The following MUSK variants were observed in gnomAD, a reference collection of about 807,000 sequenced individuals.
The protein encoded by MUSK is muscle, skeletal receptor tyrosine-protein kinase.
A neutral mutation model predicts 88.7 loss-of-function variants in MUSK; 55 were observed. The observed-to-expected ratio is 0.62, with a 90% CI of 0.50 to 0.78. The LOEUF (loss-of-function observed/expected upper bound fraction) is 0.78, where lower values mean the gene tolerates loss of function less well. Among genes scored for constraint, MUSK ranks in the 30% least tolerant of loss-of-function variants. The pLI, the probability that MUSK is intolerant of heterozygous loss-of-function variation, is 0.00. For missense variants in MUSK, 1,015 were observed against 1,074.3 expected (o/e 0.94, Z 0.77); for synonymous variants, 387 against 391.9 (o/e 0.99, Z 0.15).
chr9:110,797,145 ATAAAT>A (rs2078016169), intron 14 of MUSK, among the ~76,000 whole-genome samples: 1 of 110,392 alleles, frequency 9.1e-6, no homozygotes, highest in Admixed American at 9.4e-5. Context: ...AAAATAAAAA[ATAAAT>A]GCATGAATAC....
intron 9 of MUSK, among the ~76,000 whole-genome samples, chr9:110,770,175 T>G (rs1047018831): frequency 6.6e-6 from 1 of 150,938 alleles, no homozygotes; most frequent in Non-Finnish European, 1.5e-5. Context: ...ATTTCGCAGG[T>G]TTTCATCTTT....
intron 1 of MUSK, among the ~76,000 whole-genome samples, chr9:110,679,833 G>C (rs1284103495): frequency 6.6e-6 from 1 of 151,934 alleles, no homozygotes; most frequent in East Asian, 1.9e-4. Flanking sequence ...ATGGCAAAGA[G>C]CTTAGCATTT....
rs1480971590 is a variant in MUSK, at chr9:110,804,430, T to C, written c.*3442T>C. Among the ~76,000 whole-genome samples, 1 of 152,144 alleles carries C rather than the reference T, an allele frequency of 6.6e-6. No individual in the cohort carries two copies. The highest frequency in any genetic ancestry group is 1.5e-5 in the Non-Finnish European group (1 of 67,978). ...CTTTCATAGATAATTTTCTGTTTTT[T>C]AGAAATCTTTTGTCTCTTTGGTTAT... On this transcript the variant is annotated 3_prime_UTR_variant, in exon 15 of 15. Coordinates refer to ENST00000374448, the MANE Select transcript of MUSK (RefSeq NM_005592.4).
At chr9:110,758,109 G>A (rs991536216) in intron 7 of MUSK, among the ~76,000 whole-genome samples, 8 of 152,016 alleles carry the variant, frequency 5.3e-5, no homozygotes, top group Admixed American at 5.2e-4. Flanking sequence ...GACTACAGGT[G>A]TGTGCCATAA....
chr9:110,776,217 T>C (rs924341148), intron 10 of MUSK, among the ~76,000 whole-genome samples: 2 of 152,238 alleles, frequency 1.3e-5, no homozygotes, highest in African/African-American at 4.8e-5. Context: ...TTTTAGATTC[T>C]TTCATAGGGA....
At chr9:110,778,597 C>T (rs906763133) in intron 11 of MUSK, among the ~76,000 whole-genome samples, 10 of 151,936 alleles carry the variant, frequency 6.6e-5, no homozygotes, top group African/African-American at 4.8e-5. Context: ...GTACTATGAA[C>T]GTCCTCCATT....
intron 11 of MUSK, among the ~76,000 whole-genome samples, chr9:110,779,123 G>T (rs2077714967): frequency 6.6e-6 from 1 of 151,660 alleles, no homozygotes; most frequent in South Asian, 2.1e-4. Flanking sequence ...TTTGAAATGT[G>T]GTTTGGGTAA....
At chr9:110,786,739 T>G (rs1314777385) in intron 13 of MUSK, among the ~76,000 whole-genome samples, 1 of 152,194 alleles carries the variant, frequency 6.6e-6, no homozygotes, top group Non-Finnish European at 1.5e-5. Context: ...GGGCCAATAT[T>G]AGCCTATGTA....
In MUSK at chr9:110,686,208, C is replaced by T. The variant is rs987387220; in HGVS notation, c.207-909C>T. On this transcript the variant is annotated intron_variant, in intron 2 of 14. Coordinates refer to ENST00000374448, the MANE Select transcript of MUSK (RefSeq NM_005592.4). The stretch of plus-strand genomic sequence containing the variant: ...CCCCCTACTCCACTTATAAGTCTAG[C>T]AATGGCACTACTCTGACCTCTGCCT... Among the ~76,000 whole-genome samples, 20 of 152,072 alleles carry T rather than the reference C, an allele frequency of 1.3e-4. 1 individual carries two copies.
chr9:110,690,184 TTAAG>T lies in MUSK; in HGVS notation c.358+2919_358+2922del, dbSNP rs1411068477. On this transcript the variant is annotated intron_variant, in intron 3 of 14. Coordinates refer to ENST00000374448, the MANE Select transcript of MUSK (RefSeq NM_005592.4). ...AATATATAAATATATAAATATATAT[TTAAG>T]TATATATAAATATATATAAATATAT... Among the ~76,000 whole-genome samples the T allele has an allele frequency of 2.0e-4, 21 of 102,588 alleles. 1 individual carries two copies. The highest frequency in any genetic ancestry group is 7.8e-4 in the African/African-American group (19 of 24,386). The allele number at this position is 102,588 out of a possible 152,430, so 67.3% of individuals were successfully genotyped here. A position where few individuals can be genotyped will look rare whatever the true frequency, so the allele number is the denominator to read the frequency against.
intron 9 of MUSK, among the ~76,000 whole-genome samples, chr9:110,770,867 C>T (rs1027815314): frequency 6.6e-6 from 1 of 151,810 alleles, no homozygotes; most frequent in Non-Finnish European, 1.5e-5. Context: ...CATAGAGATG[C>T]AATTAATTCC....
At chr9:110,742,931 G>C in intron 6 of MUSK, among the ~76,000 whole-genome samples, 1 of 152,224 alleles carries the variant, frequency 6.6e-6, no homozygotes, top group East Asian at 1.9e-4. Context: ...ACAGGACATG[G>C]AGGCAATGTC....
intron 3 of MUSK, among the ~76,000 whole-genome samples, chr9:110,690,960 G>A (rs1339154663): frequency 6.7e-6 from 1 of 150,356 alleles, no homozygotes; most frequent in Non-Finnish European, 1.5e-5. Flanking sequence ...TGCCTCCTGA[G>A]TTCAAGCAAT....
intron 11 of MUSK, among the ~76,000 whole-genome samples, chr9:110,783,173 A>C (rs73544122): frequency 0.029 from 4,459 of 152,232 alleles, 238 homozygotes; most frequent in African/African-American, 0.1. Context: ...TCTGACTATG[A>C]TGTAGTCAGT....
chr9:110,773,822 T>G (rs1355750637), intron 9 of MUSK, among the ~76,000 whole-genome samples: 1 of 152,170 alleles, frequency 6.6e-6, no homozygotes, highest in Non-Finnish European at 1.5e-5. Context: ...AAGAAAGCAA[T>G]CCTGACTTTT....
chr9:110,678,524 A>G (rs1481931955), intron 1 of MUSK, among the ~76,000 whole-genome samples: 1 of 151,974 alleles, frequency 6.6e-6, no homozygotes, highest in Non-Finnish European at 1.5e-5. Flanking sequence ...TTGGGGCATT[A>G]TATTTTTTTC....
At chr9:110,701,714 A>T (rs1229684353) in intron 5 of MUSK, among the ~76,000 whole-genome samples, 1 of 124 alleles carries the variant, frequency 8.1e-3, no homozygotes, top group Non-Finnish European at 0.011. Context: ...ATTTTATTTT[A>T]TTTTATTTTA....
At chr9:110,755,948 A>G (rs1050735287) in intron 7 of MUSK, among the ~76,000 whole-genome samples, 39 of 48,922 alleles carry the variant, frequency 8.0e-4, no homozygotes, top group African/African-American at 3.4e-3. Flanking sequence ...ATATATATAT[A>G]TACACATATA....
intron 3 of MUSK, among the ~76,000 whole-genome samples, chr9:110,691,497 TG>T (rs1375579802): frequency 6.6e-6 from 1 of 152,156 alleles, no homozygotes; most frequent in Non-Finnish European, 1.5e-5. Context: ...GATTCCCCAA[TG>T]GGGCTTTTAT....
Sources: gnomAD v4.1 joint callset for allele counts (sites outside exome capture counted in the v4.1 genomes callset) on GRCh38, gnomAD v4.1.1 for gene constraint, MANE v1.5 for transcripts, NCBI Gene and HGNC (gene_info 2026-07-23, HGNC 2026-07-21) for gene names.